The following ASTN2 variants were observed in gnomAD, a reference collection of about 807,000 sequenced individuals.
The protein encoded by ASTN2 is astrotactin 2, also known as astrotactin-2.
Under a neutral mutation model 139.8 loss-of-function variants are expected in ASTN2, and 54 were observed. The ratio of observed to expected loss-of-function variants is 0.39; its 90% CI spans 0.31 to 0.48. ASTN2 has a LOEUF of 0.48. Ranked by LOEUF, ASTN2 falls within the 20% of genes least tolerant of loss-of-function variation. The pLI, the probability that ASTN2 is intolerant of heterozygous loss-of-function variation, is 0.95. For missense variants in ASTN2, 1,565 were observed against 1,725.1 expected (o/e 0.91, Z 1.64); for synonymous variants, 756 against 719.5 (o/e 1.05, Z -0.81).
chr9:116,474,612 C>T (rs1462558945), intron 20 of ASTN2, among the ~76,000 whole-genome samples: 1 of 152,120 alleles, frequency 6.6e-6, no homozygotes, highest in African/African-American at 2.4e-5. Flanking sequence ...GAAGGCAGCC[C>T]CTTCATGTGC....
At chr9:117,156,545 C>T (rs1448273573) in intron 3 of ASTN2, among the ~76,000 whole-genome samples, 1 of 152,012 alleles carries the variant, frequency 6.6e-6, no homozygotes, top group Non-Finnish European at 1.5e-5. Context: ...TCTCTAGATA[C>T]TGCCAGATGT....
chr9:116,464,410 A>C (rs546844019), intron 20 of ASTN2, among the ~76,000 whole-genome samples: 4 of 139,260 alleles, frequency 2.9e-5, no homozygotes, highest in African/African-American at 1.0e-4. Flanking sequence ...TCTAGGACTC[A>C]CTTCCATCAA....
chr9:117,246,222 T>C (rs140590106), intron 2 of ASTN2, among the ~76,000 whole-genome samples: 41 of 152,282 alleles, frequency 2.7e-4, no homozygotes, highest in Non-Finnish European at 5.3e-4. Context: ...TCCTTGAAGG[T>C]ACAGAAAGAA....
At chr9:116,810,878 T>C (rs916429928) in intron 12 of ASTN2, among the ~76,000 whole-genome samples, 19 of 152,310 alleles carry the variant, frequency 1.2e-4, no homozygotes, top group Non-Finnish European at 2.4e-4. Context: ...TTCCTTATTA[T>C]CTGCCTATTT....
At chr9:116,476,190 T>C (rs1463393854) in intron 20 of ASTN2, among the ~76,000 whole-genome samples, 2 of 152,220 alleles carry the variant, frequency 1.3e-5, no homozygotes, top group African/African-American at 2.4e-5. Context: ...GGCATCACTC[T>C]AATCTCAGCC....
At chr9:117,209,763 A>G (rs372760966) in intron 3 of ASTN2, among the ~76,000 whole-genome samples, 1 of 152,154 alleles carries the variant, frequency 6.6e-6, no homozygotes, top group South Asian at 2.1e-4. Context: ...GATTCTTTTC[A>G]TCAGCACATG....
intron 2 of ASTN2, among the ~76,000 whole-genome samples, chr9:117,224,002 C>T (rs567827778): frequency 1.3e-5 from 2 of 152,302 alleles, no homozygotes; most frequent in African/African-American, 4.8e-5. Context: ...CTTCCACCCA[C>T]TACCCCCCAG....
chr9:116,699,798 T>TATG lies in ASTN2; in HGVS notation c.2806+25970_2806+25972dup. 3 of 1,549,858 alleles carry TATG rather than the reference T, an allele frequency of 1.9e-6. No individual in the cohort carries two copies. The South Asian group carries it at 3.4e-5, about 18-fold the overall frequency. ...TGGCACATGCAGAATAGACTCAGCC[T>TATG]ATGTCCTGATTCCAGCTGGGTAGTT... On this transcript the variant is annotated intron_variant, in intron 16 of 22. Transcript: ENST00000313400. This position sits in a 1 kb window ranked among gnomAD's most constrained non-coding sequence, Gnocchi z 4.2.
chr9:116,489,419 C>G (rs535648736), intron 19 of ASTN2, among the ~76,000 whole-genome samples: 17 of 152,242 alleles, frequency 1.1e-4, no homozygotes, highest in African/African-American at 4.1e-4. Context: ...TCATTGAAGC[C>G]TCTGCCCCGC....
intron 3 of ASTN2, among the ~76,000 whole-genome samples, chr9:117,198,418 C>CT (rs1831583524): frequency 6.6e-6 from 1 of 151,812 alleles, no homozygotes; most frequent in African/African-American, 2.4e-5. Flanking sequence ...TTTTCTTTTC[C>CT]TTTTTTATTA....
At chr9:117,269,698 C>G (rs1278484567) in intron 2 of ASTN2, among the ~76,000 whole-genome samples, 1 of 152,178 alleles carries the variant, frequency 6.6e-6, no homozygotes, top group East Asian at 1.9e-4. Flanking sequence ...ATTTTTAATG[C>G]TCACAGCAAA....
intron 4 of ASTN2, among the ~76,000 whole-genome samples, chr9:117,104,097 C>A (rs1222146071): frequency 6.6e-6 from 1 of 152,180 alleles, no homozygotes; most frequent in Non-Finnish European, 1.5e-5. Context: ...TGGATTCAAA[C>A]CCTGGTTTGT....
chr9:117,254,767 T>C (rs1833638267), intron 2 of ASTN2, among the ~76,000 whole-genome samples: 1 of 152,202 alleles, frequency 6.6e-6, no homozygotes, highest in Non-Finnish European at 1.5e-5. Context: ...TTTTGGTACA[T>C]TCTGTTCCAT....
intron 3 of ASTN2, among the ~76,000 whole-genome samples, chr9:117,146,475 GAA>G (rs61356397): frequency 0.026 from 3,119 of 120,616 alleles, 87 homozygotes; most frequent in African/African-American, 0.083. Flanking sequence ...GAAGAGGAGA[GAA>G]AAAAAAAAAA....
intron 19 of ASTN2, among the ~76,000 whole-genome samples, chr9:116,530,175 A>T (rs1851283396): frequency 7.2e-6 from 1 of 139,322 alleles, no homozygotes; most frequent in African/African-American, 2.6e-5. Context: ...TTAATCCTTA[A>T]AAAGAAGAAA....
At chr9:117,406,195 C>T (rs111758018) in intron 1 of ASTN2, among the ~76,000 whole-genome samples, 50 of 152,334 alleles carry the variant, frequency 3.3e-4, no homozygotes, top group African/African-American at 1.1e-3. Flanking sequence ...AGGCAAACAG[C>T]GTGAGACACA....
chr9:116,572,752 C>T (rs1008160056), intron 19 of ASTN2, among the ~76,000 whole-genome samples: 1 of 152,174 alleles, frequency 6.6e-6, no homozygotes, highest in Admixed American at 6.5e-5. Flanking sequence ...AATAATTTCC[C>T]AAGACCCCAA....
At chr9:116,874,382 C>T (rs569233773) in intron 10 of ASTN2, among the ~76,000 whole-genome samples, 2 of 152,164 alleles carry the variant, frequency 1.3e-5, no homozygotes, top group Non-Finnish European at 2.9e-5. Context: ...GAGTCCTCCT[C>T]GGTCACATCC....
chr9:116,523,696 G>A (rs1850974552), intron 19 of ASTN2, among the ~76,000 whole-genome samples: 1 of 152,074 alleles, frequency 6.6e-6, no homozygotes, highest in East Asian at 1.9e-4. Flanking sequence ...GGCTCTGAGG[G>A]GATGGCTACC....
Sources: allele counts gnomAD v4.1 joint callset (sites outside exome capture counted in the v4.1 genomes callset), GRCh38; gene constraint gnomAD v4.1.1; non-coding constraint Gnocchi (gnomAD v3.1); transcripts MANE v1.5; gene names NCBI Gene and HGNC (gene_info 2026-07-23, HGNC 2026-07-21).